Variants in PTK2 observed in about 807,000 individuals in gnomAD.
PTK2 encodes the protein focal adhesion kinase 1.
In PTK2, 45 loss-of-function variants were observed where a neutral mutation model predicts 150.1. The ratio of observed to expected loss-of-function variants is 0.30; its 90% CI spans 0.24 to 0.38. The LOEUF (loss-of-function observed/expected upper bound fraction) is 0.38. Among genes scored for constraint, PTK2 ranks in the 10% least tolerant of loss-of-function variants. PTK2 has a pLI of 1.00. For missense variants in PTK2, 919 were observed against 1,307.3 expected, an observed-to-expected ratio of 0.70 and a Z score of 4.58; for synonymous variants, 432 against 449.2, an observed-to-expected ratio of 0.96 and a Z score of 0.48.
In PTK2 at chr8:140,865,711, T is replaced by C. The variant is rs182604829; in HGVS notation, c.363-1312A>G. On this transcript the variant is annotated intron_variant, in intron 4 of 31. Coordinates refer to ENST00000522684, the Ensembl canonical transcript of PTK2. ...ACTGTAGATATTCTACATTGGGTTA[T>C]TATGTAAGTATAACAGATTTCATTT... 3.9e-4 allele frequency among the ~76,000 whole-genome samples: 59 copies of C among 152,374 alleles called. 1 individual carries two copies. The highest frequency in any genetic ancestry group is 1.3e-3 in the African/African-American group (54 of 41,598).
intron 1 of PTK2, among the ~76,000 whole-genome samples, chr8:140,928,263 A>G (rs968403930): frequency 6.6e-6 from 1 of 152,118 alleles, no homozygotes; most frequent in Non-Finnish European, 1.5e-5. Flanking sequence ...AAACCAACCT[A>G]ACACCCATTA....
Position 140,892,028 on chromosome 8 carries a change from A to G in PTK2, c.-32-1259T>C, listed in dbSNP as rs112978141. Among the ~76,000 whole-genome samples the G allele has an allele frequency of 5.3e-3, 807 of 152,176 alleles. 9 individuals carry two copies. The highest frequency in any genetic ancestry group is 0.018 in the African/African-American group (737 of 41,508). ...TGAGACCAGTCTGGGCAACATGACA[A>G]GACCTTGTCTCTACTAAAAAATACA... is the stretch of plus-strand genomic sequence containing the variant. On this transcript the variant is annotated intron_variant, in intron 2 of 31. Coordinates refer to ENST00000522684, the Ensembl canonical transcript of PTK2.
intron 31 of PTK2, among the ~76,000 whole-genome samples, chr8:140,660,268 C>A (rs929026921): frequency 3.9e-5 from 6 of 152,184 alleles, no homozygotes; most frequent in Non-Finnish European, 8.8e-5. Flanking sequence ...CAAACACTTT[C>A]ACATTAGAGT....
At chr8:140,766,489 T>C (rs894613164) in intron 14 of PTK2, among the ~76,000 whole-genome samples, 3 of 152,178 alleles carry the variant, frequency 2.0e-5, no homozygotes, top group South Asian at 2.1e-4. Context: ...TCATTACCTA[T>C]AACAACCTGA....
intron 22 of PTK2, among the ~76,000 whole-genome samples, chr8:140,727,801 CTTAT>C (rs2100046827): frequency 6.6e-6 from 1 of 152,096 alleles, no homozygotes; most frequent in African/African-American, 2.4e-5. Context: ...TCTTGGTATT[CTTAT>C]TATCTGAATA....
chr8:140,686,333 A>G (rs1023951159), intron 27 of PTK2, among the ~76,000 whole-genome samples: 3 of 152,154 alleles, frequency 2.0e-5, no homozygotes, highest in African/African-American at 7.2e-5. Context: ...AATGACCTGT[A>G]TAACAAACCC....
chr8:140,898,029 T>A (rs1201840756), intron 2 of PTK2, among the ~76,000 whole-genome samples: 1 of 152,052 alleles, frequency 6.6e-6, no homozygotes, highest in African/African-American at 2.4e-5. Flanking sequence ...CCAAAAACTG[T>A]TTTTACGTGG....
chr8:140,741,248 G>A (rs1046561466), intron 20 of PTK2, among the ~76,000 whole-genome samples: 1 of 152,012 alleles, frequency 6.6e-6, no homozygotes, highest in South Asian at 2.1e-4. Context: ...TCAGGAGATT[G>A]AGACCATCCT....
At chr8:140,865,297 C>T (rs1011501184) in intron 4 of PTK2, among the ~76,000 whole-genome samples, 17 of 152,190 alleles carry the variant, frequency 1.1e-4, no homozygotes, top group Admixed American at 7.9e-4. Context: ...CTCCTGGTCT[C>T]AAGGGATCCT....
At chr8:140,941,865 C>A (rs1281123174) in intron 1 of PTK2, among the ~76,000 whole-genome samples, 2 of 142,934 alleles carry the variant, frequency 1.4e-5, no homozygotes, top group Non-Finnish European at 3.2e-5. Context: ...ACCACCACGC[C>A]CAGCTAACTT....
rs1568519191 is a variant in PTK2 at position 140,902,946 on chromosome 8, T to TG, written c.-32-12178_-32-12177insC. Among the ~76,000 whole-genome samples the TG allele has an allele frequency of 4.5e-4, 65 of 143,206 alleles. 1 individual carries two copies. Among genetic ancestry groups the TG allele is most frequent in the Non-Finnish European group, 9.8e-4 (64 of 65,338 alleles). The allele number at this position is 143,206 out of a possible 152,430, so 93.9% of individuals were successfully genotyped here. A position where few individuals can be genotyped will look rare whatever the true frequency, so the allele number is the denominator to read the frequency against. On this transcript the variant is annotated intron_variant, in intron 2 of 31. Coordinates refer to ENST00000522684, the Ensembl canonical transcript of PTK2. ...GTTGTTTTTTTTTTTTTTTTTTTTTTTTTTTTTTTTTTTGCCATGCAGAAG... is the reference window on the plus strand; with the variant it reads ...GTTGTTTTTTTTTTTTTTTTTTTTTTGTTTTTTTTTTTTTGCCATGCAGAAG...
chr8:140,671,361 A>G (rs1030600667), intron 29 of PTK2, among the ~76,000 whole-genome samples: 2 of 152,112 alleles, frequency 1.3e-5, no homozygotes, highest in African/African-American at 4.8e-5. Flanking sequence ...AGCTGGAATT[A>G]TAGGGTCACA....
intron 2 of PTK2, among the ~76,000 whole-genome samples, chr8:140,922,678 T>C (rs2100167974): frequency 6.6e-6 from 1 of 152,208 alleles, no homozygotes; most frequent in Admixed American, 6.5e-5. Flanking sequence ...AATTATATTC[T>C]ACACACTAAG....
intron 14 of PTK2, 92 bp from the exon 16 acceptor site, chr8:140,769,684 T>A: frequency 1.3e-6 from 1 of 798,068 alleles, no homozygotes; most frequent in Non-Finnish European, 1.8e-6. Flanking sequence ...GGGAAAACAC[T>A]ATTAAAATGA....
intron 22 of PTK2, among the ~76,000 whole-genome samples, chr8:140,728,947 C>A (rs2100047546): frequency 6.6e-6 from 1 of 152,148 alleles, no homozygotes; most frequent in African/African-American, 2.4e-5. Context: ...TACACGCACA[C>A]ATGTCCATTT....
At chr8:140,943,204 A>T (rs1378160193) in intron 1 of PTK2, among the ~76,000 whole-genome samples, 2 of 152,182 alleles carry the variant, frequency 1.3e-5, no homozygotes, top group Non-Finnish European at 2.9e-5. Context: ...GAAGACACAG[A>T]CTATTTCCAT....
At chr8:140,883,407 C>T (rs540969542) in intron 3 of PTK2, among the ~76,000 whole-genome samples, 14 of 152,288 alleles carry the variant, frequency 9.2e-5, no homozygotes, top group Admixed American at 2.6e-4. Flanking sequence ...TAGTCTCACA[C>T]TTAATTTTCA....
chr8:140,969,869 G>T (rs1271815591), intron 1 of PTK2, among the ~76,000 whole-genome samples: 2 of 152,196 alleles, frequency 1.3e-5, no homozygotes, highest in Non-Finnish European at 2.9e-5. Flanking sequence ...ACATAGGGAA[G>T]CCAGAACTAC....
chr8:140,665,445 T>C (rs985847554), intron 30 of PTK2, among the ~76,000 whole-genome samples: 3 of 152,148 alleles, frequency 2.0e-5, no homozygotes, highest in Non-Finnish European at 4.4e-5. Flanking sequence ...TGGCCAGAGA[T>C]GACACCACTG....
Sources: allele counts gnomAD v4.1 joint callset (sites outside exome capture counted in the v4.1 genomes callset), GRCh38; gene constraint gnomAD v4.1.1; transcripts MANE v1.5; gene names NCBI Gene and HGNC (gene_info 2026-07-23, HGNC 2026-07-21).